PDE12: variants seen among roughly 807,000 people sequenced by gnomAD.
PDE12 encodes 2',5'-phosphodiesterase 12.
In PDE12, 26 loss-of-function variants were observed where a neutral mutation model predicts 45.4. The observed-to-expected ratio is 0.57, with a 90% confidence interval of 0.42 to 0.79. The LOEUF (loss-of-function observed/expected upper bound fraction) is 0.79. Ranked by LOEUF, PDE12 falls within the 30% of genes least tolerant of loss-of-function variation. The pLI is 0.00. For synonymous variants in PDE12, 283 were observed against 323.9 expected, an observed-to-expected ratio of 0.87 and a Z score of 1.36; for missense variants, 668 against 790.0, an observed-to-expected ratio of 0.85 and a Z score of 1.85.
At chr3:57,590,736 T>G in the PDE12 span, among the ~76,000 whole-genome samples, 3 of 152,150 alleles carry the variant, frequency 2.0e-5, no homozygotes, top group African/African-American at 7.2e-5. Context: ...TGGAGTGCAG[T>G]GGTGCAAACA....
At chr3:57,589,298 C>T in the PDE12 span, among the ~76,000 whole-genome samples, 3 of 151,804 alleles carry the variant, frequency 2.0e-5, no homozygotes, top group African/African-American at 4.8e-5. Flanking sequence ...CAGGGTGGTG[C>T]CCATCTATAT....
chr3:57,639,305 T>C, the PDE12 span, among the ~76,000 whole-genome samples: 2 of 152,216 alleles, frequency 1.3e-5, no homozygotes, highest in East Asian at 1.9e-4. Flanking sequence ...CCCTCATACA[T>C]TGCTGGTAAG....
the PDE12 span, chr3:57,619,570 C>T: frequency 0.75 from 114,271 of 152,176 alleles, 44,924 homozygotes; most frequent in East Asian, 1. Flanking sequence ...ACCATCGTTA[C>T]TTTTGCTGGG....
chr3:57,584,197 A>C, the PDE12 span: 19 of 717,596 alleles, frequency 2.6e-5, no homozygotes, highest in Admixed American at 4.5e-4. Context: ...TCCTGGGCTC[A>C]AGCAATCCAC....
chr3:57,620,103 TC>T, the PDE12 span, among the ~76,000 whole-genome samples: 6 of 151,910 alleles, frequency 3.9e-5, no homozygotes, highest in African/African-American at 1.2e-4. Context: ...GCGCCTGTAA[TC>T]CCAGCTACTC....
chr3:57,584,534 T>C, the PDE12 span: 1 of 1,349,712 alleles, frequency 7.4e-7, no homozygotes, highest in Admixed American at 1.9e-5. Flanking sequence ...TTACAATAAA[T>C]TTATAGTTCA....
At chr3:57,558,545 C>T (rs1029728288) in intron 1 of PDE12, among the ~76,000 whole-genome samples, 1 of 152,136 alleles carries the variant, frequency 6.6e-6, no homozygotes, top group East Asian at 1.9e-4. Flanking sequence ...GGCTGGAGTA[C>T]GGTGGCGCGA....
At chr3:57,605,105 A>T in the PDE12 span, among the ~76,000 whole-genome samples, 1 of 152,152 alleles carries the variant, frequency 6.6e-6, no homozygotes, top group Non-Finnish European at 1.5e-5. Context: ...CCTAAAAGAG[A>T]AGGCACAAAT....
At chr3:57,624,189 C>T in the PDE12 span, among the ~76,000 whole-genome samples, 1 of 151,118 alleles carries the variant, frequency 6.6e-6, no homozygotes, top group Non-Finnish European at 1.5e-5. Context: ...CTCGCTCTGT[C>T]GCCCAGGCTG....
chr3:57,627,082 CT>C, the PDE12 span: 11 of 152,072 alleles, frequency 7.2e-5, no homozygotes, highest in African/African-American at 2.7e-4. Context: ...ATTAAAATGT[CT>C]TTGAAAAGCA....
the PDE12 span, chr3:57,630,361 G>A: frequency 4.2e-6 from 6 of 1,420,498 alleles, no homozygotes; most frequent in Non-Finnish European, 5.7e-6. Context: ...CAACTTCTAA[G>A]CATAATTATC....
chr3:57,587,284 A>G, the PDE12 span, among the ~76,000 whole-genome samples: 2 of 149,946 alleles, frequency 1.3e-5, no homozygotes, highest in Non-Finnish European at 1.5e-5. Flanking sequence ...GTGCCATTGC[A>G]CTACAGCCTG....
chr3:57,637,577 A>T, the PDE12 span, among the ~76,000 whole-genome samples: 54 of 152,130 alleles, frequency 3.5e-4, no homozygotes, highest in Non-Finnish European at 7.5e-4. Context: ...CAGGTTTCAA[A>T]GCCAGAATCC....
the PDE12 span, among the ~76,000 whole-genome samples, chr3:57,607,615 C>T: frequency 2.0e-5 from 3 of 151,988 alleles, no homozygotes; most frequent in Non-Finnish European, 2.9e-5. Flanking sequence ...GTAGCCGATT[C>T]GATCAACTGG....
At chr3:57,570,385 T>G (rs1286674202), downstream of PDE12, among the ~76,000 whole-genome samples, 1 of 128,846 alleles carries the variant, frequency 7.8e-6, no homozygotes, top group Admixed American at 7.9e-5. Context: ...CCTTTTTTTT[T>G]TTTTTTTGTA....
At chr3:57,572,755 GT>G in the PDE12 span, among the ~76,000 whole-genome samples, 1 of 152,074 alleles carries the variant, frequency 6.6e-6, no homozygotes, top group East Asian at 1.9e-4. Flanking sequence ...TTCAGTGCTG[GT>G]TTTTGGTTCC....
rs1300130716 is a variant in PDE12, at chr3:57,556,560, A to C, written c.181A>C (p.Lys61Gln). The C allele has an allele frequency of 6.2e-7, 1 of 1,613,426 alleles. No individual in the cohort carries two copies. Among genetic ancestry groups the C allele is most frequent in the East Asian group, 2.2e-5 (1 of 44,894 alleles). The change falls in exon 1 of 3, where the codon AAG (lysine) becomes CAG (glutamine). Residue 61 changes from lysine (K) to glutamine (Q), a missense_variant. By Grantham distance (53) the Lys-to-Gln change is moderately conservative. This residue lies in a region of PDE12 where 580 missense variants were observed against 662.9 expected (regional missense o/e 0.87). Transcript: ENST00000311180. This position sits in a 1 kb window ranked among gnomAD's most constrained non-coding sequence, Gnocchi z 5.0. ...ATTCGCTTTGGCTGATGGTAGCCAC[A>C]AGAACATGCAGCGCGACCAGAGCGA... ...LSFALADGSH[K>Q]NMQRDQSEPL...
the PDE12 span, chr3:57,630,332 GGA>G: frequency 8.5e-7 from 1 of 1,182,312 alleles, no homozygotes. Flanking sequence ...TATAAAGAGT[GGA>G]TAAAGGGTAC....
chr3:57,586,634 T>TC, the PDE12 span, among the ~76,000 whole-genome samples: 3 of 152,302 alleles, frequency 2.0e-5, no homozygotes, highest in East Asian at 5.8e-4. Flanking sequence ...CATCAAGCCC[T>TC]CATTCATGAG....
Sources: allele counts gnomAD v4.1 joint callset (sites outside exome capture counted in the v4.1 genomes callset), GRCh38; gene constraint gnomAD v4.1.1; regional missense constraint gnomAD v4.1.1; non-coding constraint Gnocchi (gnomAD v3.1); transcripts MANE v1.5; gene names NCBI Gene and HGNC (gene_info 2026-07-23, HGNC 2026-07-21).